The following MAPK9 variants were observed in gnomAD, a reference collection of about 807,000 sequenced individuals.
The protein encoded by MAPK9 is Jun kinase.
In MAPK9, 30 loss-of-function variants were observed where a neutral mutation model predicts 57.1. The ratio of observed to expected loss-of-function variants is 0.53; its 90% CI spans 0.39 to 0.71. The LOEUF is 0.71. MAPK9 is among the 30% of genes least tolerant of loss of function. MAPK9 has a pLI of 0.00. For missense variants in MAPK9, 362 were observed against 521.0 expected (o/e 0.69, Z 2.97); for synonymous variants, 155 against 177.0 (o/e 0.88, Z 0.99).
At chr5:180,272,062 C>A (rs1323815143) in intron 2 of MAPK9, among the ~76,000 whole-genome samples, 1 of 152,182 alleles carries the variant, frequency 6.6e-6, no homozygotes, top group East Asian at 1.9e-4. Context: ...CACTTCCTAG[C>A]TTCTTACATT....
chr5:180,267,999 AC>A lies in MAPK9; in HGVS notation c.252+1280del, dbSNP rs377676254. 4.3e-4 allele frequency among the ~76,000 whole-genome samples: 65 copies of A among 151,890 alleles called. 1 individual carries two copies. Among genetic ancestry groups the A allele is most frequent in the Admixed American group, 1.6e-3 (24 of 15,278 alleles). On this transcript the variant is annotated intron_variant, in intron 3 of 11. Transcript: ENST00000452135. ...CACCTCACCCTCCTTAATTTTTTGT[AC>A]TTTTTAGTAGAGATGGGGTTTCACC... is the stretch of plus-strand genomic sequence containing the variant.
intron 1 of MAPK9, 73 bp downstream of exon 1, chr5:180,291,775 T>G: frequency 6.8e-6 from 1 of 147,170 alleles, no homozygotes; most frequent in Non-Finnish European, 1.5e-5. Context: ...GGCCGCGCGG[T>G]TCCCTCACCG....
chr5:180,258,677 G>A (rs756328454), intron 5 of MAPK9, among the ~76,000 whole-genome samples: 13 of 151,538 alleles, frequency 8.6e-5, no homozygotes, highest in Non-Finnish European at 1.3e-4. Context: ...GGCTTCAGTC[G>A]GTTCAGTTAC....
chr5:180,254,333 G>A (rs1248724742), intron 5 of MAPK9, among the ~76,000 whole-genome samples: 2 of 152,088 alleles, frequency 1.3e-5, no homozygotes, highest in East Asian at 1.9e-4. Context: ...GACAGGGAGG[G>A]ACCTAACACA....
intron 1 of MAPK9, among the ~76,000 whole-genome samples, chr5:180,289,591 T>C (rs1199090509): frequency 6.6e-6 from 1 of 152,086 alleles, no homozygotes; most frequent in African/African-American, 2.4e-5. Context: ...ACAGACTACT[T>C]AGACTCCTGA....
intron 3 of MAPK9, among the ~76,000 whole-genome samples, chr5:180,268,014 T>A (rs575206574): frequency 6.6e-6 from 1 of 152,052 alleles, no homozygotes; most frequent in Non-Finnish European, 1.5e-5. Flanking sequence ...TTAGTAGAGA[T>A]GGGGTTTCAC....
At chr5:180,270,858 CAA>C (rs761904802) in intron 2 of MAPK9, among the ~76,000 whole-genome samples, 8 of 83,020 alleles carry the variant, frequency 9.6e-5, no homozygotes, top group Non-Finnish European at 1.2e-4. Flanking sequence ...CCCAGGGTCT[CAA>C]AAAAAAAAAA....
At chr5:180,272,740 G>A (rs1431471557) in intron 2 of MAPK9, among the ~76,000 whole-genome samples, 9 of 152,130 alleles carry the variant, frequency 5.9e-5, no homozygotes, top group Non-Finnish European at 7.3e-5. Context: ...ATCACATTAC[G>A]TTGATAGATA....
chr5:180,260,186 G>A (rs1037072392), intron 5 of MAPK9, among the ~76,000 whole-genome samples: 1 of 152,110 alleles, frequency 6.6e-6, no homozygotes, highest in African/African-American at 2.4e-5. Context: ...AGACATAAAA[G>A]AACTCATTTC....
chr5:180,280,073 A>AG (rs1304182036), intron 2 of MAPK9: 4 of 454,746 alleles, frequency 8.8e-6, no homozygotes, highest in East Asian at 6.9e-5. Context: ...ATAAAAGGGG[A>AG]GGGGGGAAAA....
intron 1 of MAPK9, among the ~76,000 whole-genome samples, chr5:180,283,088 G>A (rs1195283855): frequency 6.6e-6 from 1 of 152,098 alleles, no homozygotes; most frequent in Non-Finnish European, 1.5e-5. Flanking sequence ...TCAGAGGTGC[G>A]ACACAGGCGC....
chr5:180,291,533 A>C (rs1183922723), intron 1 of MAPK9, among the ~76,000 whole-genome samples: 11 of 151,602 alleles, frequency 7.3e-5, no homozygotes, highest in Non-Finnish European at 1.5e-4. Context: ...CGGGGACGCG[A>C]CCCCGGGCCC....
In MAPK9 at chr5:180,236,247, C is replaced by A; in HGVS notation, c.*137G>T. On this transcript the variant is annotated 3_prime_UTR_variant, in exon 12 of 12. Transcript: ENST00000452135. ...ATCTAAGCAGGCAATCCTATCAGGT[C>A]TGAGTAGGGCAAGGCATTGTGTTTC... 1.0e-6 allele frequency: 1 copy of A among 953,144 alleles called. No individual in the cohort carries two copies. 59.0% of individuals were successfully genotyped at this position (953,144 alleles called of 1,614,324 possible).
intron 5 of MAPK9, among the ~76,000 whole-genome samples, chr5:180,251,187 A>G (rs1758651824): frequency 6.6e-6 from 1 of 152,174 alleles, no homozygotes. Context: ...GAGGGTGTGC[A>G]GTGGGCACTT....
chr5:180,274,233 T>A (rs1761615690), intron 2 of MAPK9, among the ~76,000 whole-genome samples: 1 of 152,258 alleles, frequency 6.6e-6, no homozygotes, highest in South Asian at 2.1e-4. Context: ...ATTTTCATTT[T>A]CTATATGCTG....
intron 2 of MAPK9, among the ~76,000 whole-genome samples, chr5:180,271,392 G>A (rs970556778): frequency 2.6e-5 from 4 of 152,182 alleles, no homozygotes; most frequent in Middle Eastern, 3.4e-3. Flanking sequence ...TCCCCATTAC[G>A]AAAACTGAGT....
chr5:180,280,259 T>C (rs1762205070), intron 2 of MAPK9, among the ~76,000 whole-genome samples, 181 bp downstream of exon 2: 1 of 152,120 alleles, frequency 6.6e-6, no homozygotes, highest in African/African-American at 2.4e-5. Flanking sequence ...TCTAAGAATA[T>C]GGGTTTGTAC....
At chr5:180,243,993 A>T (rs866879511) in intron 7 of MAPK9, among the ~76,000 whole-genome samples, 1 of 150,954 alleles carries the variant, frequency 6.6e-6, no homozygotes, top group Non-Finnish European at 1.5e-5. Flanking sequence ...GACTACAGGC[A>T]CCTGCCATAA....
At chr5:180,286,121 CTACTGTAATTCTTTATTCTTTCTT>C (rs1762731859) in intron 1 of MAPK9, among the ~76,000 whole-genome samples, 1 of 145,516 alleles carries the variant, frequency 6.9e-6, no homozygotes, top group Non-Finnish European at 1.5e-5. Context: ...TTCTATTTTC[CTACTGTAATTCTTTATTCTTTCTT>C]TTCTTTTTTT....
Sources: allele counts gnomAD v4.1 joint callset (sites outside exome capture counted in the v4.1 genomes callset), GRCh38; gene constraint gnomAD v4.1.1; transcripts MANE v1.5; gene names NCBI Gene and HGNC (gene_info 2026-07-23, HGNC 2026-07-21).